Variants in POU2F2 observed in about 807,000 individuals in gnomAD.
POU2F2 encodes POU class 2 homeobox 2, also known as POU domain, class 2, transcription factor 2.
POU2F2 carries 14 observed loss-of-function variants against 63.5 expected under a neutral mutation model. The observed-to-expected ratio is 0.22, with a 90% CI of 0.15 to 0.34. The LOEUF is 0.34. Among genes scored for constraint, POU2F2 ranks in the 10% least tolerant of loss-of-function variants. The pLI, the probability that POU2F2 is intolerant of heterozygous loss-of-function variation, is 1.00. For missense variants in POU2F2, 607 were observed against 815.2 expected, an observed-to-expected ratio of 0.74 and a Z score of 3.11; for synonymous variants, 306 against 348.6, an observed-to-expected ratio of 0.88 and a Z score of 1.36.
rs1308439348 is a variant in POU2F2, at chr19:42,152,486, T to A, written c.-9+7846A>T. On this transcript the variant is annotated intron_variant, in intron 2 of 6. Transcript: ENST00000524801. The surrounding 1 kb of genome is among the most constrained non-coding windows in gnomAD (Gnocchi z 4.1). The stretch of plus-strand genomic sequence containing the variant: ...GCTATCGACCGGGGCTGTGACATGG[T>A]GGATCAATACGGCAGGGATATAAAG... 1.3e-5 allele frequency: 2 copies of A among 152,062 alleles called. No individual in the cohort carries two copies. The highest frequency in any genetic ancestry group is 1.3e-4 in the Admixed American group (2 of 15,238). 9.4% of individuals were successfully genotyped at this position (152,062 alleles called of 1,614,324 possible). A position where few individuals can be genotyped will look rare whatever the true frequency, so the allele number is the denominator to read the frequency against.
At chr19:42,170,330 G>A (rs1036391559) in intron 1 of POU2F2, among the ~76,000 whole-genome samples, 3 of 150,926 alleles carry the variant, frequency 2.0e-5, no homozygotes, top group Non-Finnish European at 4.4e-5. Flanking sequence ...TCAAACAGAT[G>A]CACAAAGACG....
rs1164748090 is a variant in POU2F2, at chr19:42,155,228, G to C, written c.-9+5104C>G. Reference sequence around the variant, plus strand: ...TGATGCACTCTCATGCGCTCAGCTCGCATGCACGCGCCCTCTCTTTCTCTC... The same window carrying C: ...TGATGCACTCTCATGCGCTCAGCTCCCATGCACGCGCCCTCTCTTTCTCTC... On this transcript the variant is annotated intron_variant, in intron 2 of 6. Coordinates refer to the POU2F2 transcript ENST00000524801. The surrounding 1 kb of genome is among the most constrained non-coding windows in gnomAD (Gnocchi z 4.2). Among the ~76,000 whole-genome samples the C allele has an allele frequency of 6.6e-6, 1 of 152,198 alleles. No individual in the cohort carries two copies.
In POU2F2 at chr19:42,088,144, G is replaced by A. The variant is rs572926186; in HGVS notation, c.*3113C>T. ...AGTCCTCAGGGGAGGGGGGCCCAGG[G>A]GGAGACCTGGGGCTCACCTGCCCCT... On this transcript the variant is annotated 3_prime_UTR_variant, in exon 15 of 15. Coordinates refer to ENST00000692977, the MANE Select transcript of POU2F2 (RefSeq NM_001394376.1). 6.6e-6 allele frequency: 1 copy of A among 152,360 alleles called. No homozygotes were observed. The highest frequency in any genetic ancestry group is 1.9e-4 in the East Asian group (1 of 5,174). 9.4% of individuals were successfully genotyped at this position (152,360 alleles called of 1,614,324 possible). A position where few individuals can be genotyped will look rare whatever the true frequency, so the allele number is the denominator to read the frequency against.
In POU2F2 at chr19:42,095,267, C is replaced by G. The variant is rs372468847; in HGVS notation, c.1197+19G>C. ...CGGAGCTCTGTGGTCTCCCCACCCCCCAGGCGGGCTCTTGGTACCATATGG... is the reference window on the plus strand; with the variant it reads ...CGGAGCTCTGTGGTCTCCCCACCCCGCAGGCGGGCTCTTGGTACCATATGG... On this transcript the variant is annotated intron_variant, in intron 11 of 14. Coordinates refer to ENST00000692977, the MANE Select transcript of POU2F2 (RefSeq NM_001394376.1). The surrounding 1 kb of genome is among the most constrained non-coding windows in gnomAD (Gnocchi z 7.1). 9 of 1,606,322 alleles carry G rather than the reference C, an allele frequency of 5.6e-6. 1 individual carries two copies. Among genetic ancestry groups the G allele is most frequent in the South Asian group, 5.5e-5 (5 of 90,320 alleles).
At chr19:42,196,869 C>A (rs1368300694), upstream of POU2F2, among the ~76,000 whole-genome samples, 1 of 152,216 alleles carries the variant, frequency 6.6e-6, no homozygotes, top group East Asian at 1.9e-4. Flanking sequence ...TTCTGGCAAG[C>A]ACGTGCTGGC....
In POU2F2 at chr19:42,091,183, G is replaced by C. The variant is rs2076699683; in HGVS notation, c.*74C>G. 1 of 1,399,352 alleles carries C rather than the reference G, an allele frequency of 7.1e-7. No individual in the cohort carries two copies. The highest frequency in any genetic ancestry group is 1.5e-5 in the African/African-American group (1 of 68,584). The allele number at this position is 1,399,352 out of a possible 1,614,324, so 86.7% of individuals were successfully genotyped here. On this transcript the variant is annotated 3_prime_UTR_variant, in exon 15 of 15. Transcript: ENST00000692977. ...AGGACCCTCTGCGTCCCCACCACTG[G>C]CCTCCTCGCCCTCTTCCCAGGCAAG... is the stretch of plus-strand genomic sequence containing the variant.
chr19:42,091,050 T>G lies in POU2F2; in HGVS notation c.*207A>C. The G allele has an allele frequency of 4.7e-6, 2 of 425,450 alleles. No homozygotes were observed. The allele number at this position is 425,450 out of a possible 1,614,324, so 26.4% of individuals were successfully genotyped here. On this transcript the variant is annotated 3_prime_UTR_variant, in exon 15 of 15. Transcript: ENST00000692977. ...GTTCCTTTGGGGCAGCTGGTTTCTG[T>G]TGTGATTATTTTTGGTTTTCTCTTT...
chr19:42,163,281 A>G (rs1599696111), intron 1 of POU2F2, among the ~76,000 whole-genome samples: 2 of 152,068 alleles, frequency 1.3e-5, no homozygotes, highest in African/African-American at 4.8e-5. Flanking sequence ...TGCTCCCTGG[A>G]GCAGAAGAAC....
intron 5 of POU2F2, chr19:42,116,653 ACTGTTT>A (rs2031903756): frequency 1.0e-5 from 3 of 287,964 alleles, no homozygotes; most frequent in South Asian, 8.6e-5. Context: ...CCACACACTC[ACTGTTT>A]CTGCATGTCC....
Position 42,099,962 on chromosome 19 carries a change from C to T in POU2F2, c.370-141G>A. On this transcript the variant is annotated intron_variant, in intron 5 of 14. Coordinates refer to ENST00000692977, the MANE Select transcript of POU2F2 (RefSeq NM_001394376.1). ...TGGCACTGGGCAGTGAGGGATCGTC[C>T]ACTCGGTCTCTGAATGGCATCCCTG... The T allele has an allele frequency of 5.9e-6, 4 of 678,392 alleles. No individual in the cohort carries two copies. In the South Asian group the frequency reaches 7.0e-5, roughly 12 times the overall value. 42.0% of individuals were successfully genotyped at this position (678,392 alleles called of 1,614,324 possible).
At chr19:42,183,701 C>A (rs904666461) in intron 1 of POU2F2, among the ~76,000 whole-genome samples, 2 of 152,040 alleles carry the variant, frequency 1.3e-5, no homozygotes, top group African/African-American at 4.8e-5. Context: ...GGGGCAGTGA[C>A]GGAAGGCTTC....
upstream of POU2F2, among the ~76,000 whole-genome samples, chr19:42,136,046 T>A (rs1039911122): frequency 2.6e-5 from 4 of 151,988 alleles, no homozygotes; most frequent in African/African-American, 9.7e-5. Flanking sequence ...AGACCCGAAG[T>A]GCCCCTTTGC....
intron 5 of POU2F2, chr19:42,116,876 A>AGGCGGC (rs555150584): frequency 5.3e-5 from 24 of 449,174 alleles, no homozygotes; most frequent in Admixed American, 5.2e-4. Context: ...GAGGAGGCGG[A>AGGCGGC]GGCGGCGGCG....
intron 1 of POU2F2, among the ~76,000 whole-genome samples, chr19:42,193,605 T>C (rs1237627955): frequency 6.6e-6 from 1 of 152,162 alleles, no homozygotes; most frequent in Non-Finnish European, 1.5e-5. Context: ...GTGGAACTGG[T>C]TTTAGATTTC....
intron 12 of POU2F2, among the ~76,000 whole-genome samples, chr19:42,093,264 C>T (rs1209038483): frequency 2.0e-5 from 3 of 151,640 alleles, no homozygotes; most frequent in African/African-American, 7.3e-5. Flanking sequence ...CATGCCTTGG[C>T]CTCCCAAAGA....
chr19:42,122,239 A>G, intron 3 of POU2F2, 57 bp from the exon 4 acceptor site: 2 of 1,578,076 alleles, frequency 1.3e-6, no homozygotes, highest in Non-Finnish European at 1.7e-6. Flanking sequence ...GCAGCTTCTG[A>G]CCACCCCCGC....
rs780028697 is a variant in POU2F2, at chr19:42,086,455, C to T, written c.*4802G>A. On this transcript the variant is annotated 3_prime_UTR_variant, in exon 15 of 15. Coordinates refer to ENST00000692977, the MANE Select transcript of POU2F2 (RefSeq NM_001394376.1). The stretch of plus-strand genomic sequence containing the variant: ...TTGCCACCCCCTCCAACTTCACCCA[C>T]CCCCATTCCAACCTGGTCATTCTGG... The T allele has an allele frequency of 3.9e-5, 6 of 152,232 alleles. No homozygotes were observed. Among genetic ancestry groups the T allele is most frequent in the Non-Finnish European group, 8.8e-5 (6 of 68,074 alleles). The allele number at this position is 152,232 out of a possible 1,614,324, so 9.4% of individuals were successfully genotyped here. A position where few individuals can be genotyped will look rare whatever the true frequency, so the allele number is the denominator to read the frequency against.
At chr19:42,130,155 A>C (rs1337799749) in intron 1 of POU2F2, among the ~76,000 whole-genome samples, 1 of 152,058 alleles carries the variant, frequency 6.6e-6, no homozygotes, top group African/African-American at 2.4e-5. Flanking sequence ...GAACACAGAC[A>C]TACACCCTCC....
chr19:42,176,567 A>G (rs1174725899), upstream of POU2F2, among the ~76,000 whole-genome samples: 1 of 148,058 alleles, frequency 6.8e-6, no homozygotes, highest in Non-Finnish European at 1.5e-5. Flanking sequence ...TTCCCCCTCC[A>G]CGCCTCTCCT....
Sources: gnomAD v4.1 joint callset for allele counts (sites outside exome capture counted in the v4.1 genomes callset) on GRCh38, gnomAD v4.1.1 for gene constraint, Gnocchi (gnomAD v3.1) non-coding constraint, MANE v1.5 for transcripts, NCBI Gene and HGNC (gene_info 2026-07-23, HGNC 2026-07-21) for gene names.